Variants in CCDC102A observed in about 807,000 individuals in gnomAD.
CCDC102A encodes coiled-coil domain containing 102A.
CCDC102A carries 40 observed loss-of-function variants against 55.5 expected under a neutral mutation model. That is an observed-to-expected ratio of 0.72 (90% CI 0.56 to 0.94). The LOEUF is 0.94. CCDC102A is among the 40% of genes least tolerant of loss of function. CCDC102A has a pLI of 0.00. For missense variants in CCDC102A, 779 were observed against 768.6 expected (o/e 1.01, Z -0.16); for synonymous variants, 323 against 339.0 (o/e 0.95, Z 0.52).
At chr16:57,512,963 C>A in intron 8 of CCDC102A, 93 bp from the exon 9 acceptor site, 2 of 1,059,714 alleles carry the variant, frequency 1.9e-6, no homozygotes, top group South Asian at 1.4e-5. Context: ...TTAAGCCTTC[C>A]CTGGTGCTTT....
At position 57,528,413 on chromosome 16, in the gene CCDC102A, A is replaced by G. The variant is rs548311398; in HGVS notation, c.585+180T>C. ...GGGATCACAGAACTTGGGATTCTCC[A>G]CCCTGAGGTCTCTGGAAGGAAAATG... On this transcript the variant is annotated intron_variant, in intron 2 of 8. Transcript: ENST00000258214. Among the ~76,000 whole-genome samples, 105 of 152,084 alleles carry G rather than the reference A, an allele frequency of 6.9e-4. 1 individual carries two copies. The highest frequency in any genetic ancestry group is 1.2e-3 in the Admixed American group (19 of 15,274).
At chr16:57,531,282 A>T (rs139236500) in intron 1 of CCDC102A, among the ~76,000 whole-genome samples, 1 of 148,344 alleles carries the variant, frequency 6.7e-6, no homozygotes, top group Non-Finnish European at 1.5e-5. Context: ...GCACTTCCTC[A>T]CTCCTTCCAG....
rs199604828 is a variant in CCDC102A, at chr16:57,518,646, T to C, written c.1017A>G (p.Lys339=). The C allele has an allele frequency of 1.2e-6, 2 of 1,613,724 alleles. No individual in the cohort carries two copies. Among genetic ancestry groups the C allele is most frequent in the East Asian group, 4.5e-5 (2 of 44,878 alleles). ...ELGARSSMDR[K]MAELRGEMER... ...TCACCTCGCCCCTCAGCTCGGCCATTTTCCGGTCCATGCTGGAGCGTGCAC... is the reference window on the plus strand; with the variant it reads ...TCACCTCGCCCCTCAGCTCGGCCATCTTCCGGTCCATGCTGGAGCGTGCAC... Residue 339 remains lysine, a synonymous_variant, in exon 5 of 9, where the codon AAA becomes AAG. Transcript: ENST00000258214.
At position 57,515,326 on chromosome 16, in the gene CCDC102A, C is replaced by T. The variant is rs1313610211; in HGVS notation, c.1523+15G>A. On this transcript the variant is annotated intron_variant, in intron 8 of 8. Coordinates refer to ENST00000258214, the MANE Select transcript of CCDC102A (RefSeq NM_033212.4). ...GAAGTCTCTGCCCTGTTTCTGTTCC[C>T]TGCCCGGGGCCCACCTGGACTGCAG... 6.6e-7 allele frequency: 1 copy of T among 1,518,326 alleles called. No individual in the cohort carries two copies. The highest frequency in any genetic ancestry group is 2.3e-5 in the East Asian group (1 of 43,392). The allele number at this position is 1,518,326 out of a possible 1,614,324, so 94.1% of individuals were successfully genotyped here. A position where few individuals can be genotyped will look rare whatever the true frequency, so the allele number is the denominator to read the frequency against.
At chr16:57,533,571 C>G (rs1214063719) in intron 1 of CCDC102A, among the ~76,000 whole-genome samples, 1 of 151,616 alleles carries the variant, frequency 6.6e-6, no homozygotes, top group Non-Finnish European at 1.5e-5. Context: ...CACTCACACA[C>G]AGCCCCAGTA....
chr16:57,516,398 C>T lies in CCDC102A; in HGVS notation c.1314G>A (p.Glu438=), dbSNP rs1435628520. 1.2e-6 allele frequency: 2 copies of T among 1,609,968 alleles called. No homozygotes were observed. Among genetic ancestry groups the T allele is most frequent in the East Asian group, 2.2e-5 (1 of 44,886 alleles). ...LKKQFQEKVA[E]LAHANRRVEQ... is the part of the protein sequence containing the mutation. ...CCACCCGCCGGTTGGCATGTGCCAG[C>T]TCTGCCACCTTCTCCTGGAACTGCT... is the stretch of plus-strand genomic sequence containing the variant. Residue 438 remains glutamate (E), a synonymous_variant, in exon 7 of 9, where the codon GAG becomes GAA. Coordinates refer to ENST00000258214, the MANE Select transcript of CCDC102A (RefSeq NM_033212.4). The surrounding 1 kb of genome is among the most constrained non-coding windows in gnomAD (Gnocchi z 4.4).
rs1320332474 is a variant in CCDC102A at position 57,512,605 on chromosome 16, C to T, written c.*136G>A. 2 of 1,105,130 alleles carry T rather than the reference C, an allele frequency of 1.8e-6. No individual in the cohort carries two copies. The highest frequency in any genetic ancestry group is 1.6e-5 in the African/African-American group (1 of 63,988). The allele number at this position is 1,105,130 out of a possible 1,614,324, so 68.5% of individuals were successfully genotyped here. The stretch of plus-strand genomic sequence containing the variant: ...GGTAGGTGGGACTGTTGACGCCATC[C>T]CTGGGAGAGAAGAAAGTCGGCTGTG... On this transcript the variant is annotated 3_prime_UTR_variant, in exon 9 of 9. Transcript: ENST00000258214.
At chr16:57,530,002 G>A (rs917527251) in intron 1 of CCDC102A, among the ~76,000 whole-genome samples, 1 of 152,160 alleles carries the variant, frequency 6.6e-6, no homozygotes, top group East Asian at 1.9e-4. Context: ...AAAGAGTGGA[G>A]GTGAAGAAAA....
At chr16:57,525,182 AC>A (rs2032117178) in intron 3 of CCDC102A, among the ~76,000 whole-genome samples, 1 of 151,670 alleles carries the variant, frequency 6.6e-6, no homozygotes, top group Admixed American at 6.6e-5. Flanking sequence ...TGCAACCTCC[AC>A]CTCCCGGCTT....
At chr16:57,534,190 A>G (rs1459607018) in intron 1 of CCDC102A, among the ~76,000 whole-genome samples, 2 of 151,202 alleles carry the variant, frequency 1.3e-5, no homozygotes, top group African/African-American at 2.4e-5. Flanking sequence ...CAGCCCTACA[A>G]CCTCCCACAG....
rs757712416 is a variant in CCDC102A at position 57,518,132 on chromosome 16, T to TGCC, written c.1181_1183dup (p.Arg394dup). On this transcript the variant is annotated inframe_insertion, in exon 6 of 9. Transcript: ENST00000258214. Reference sequence around the variant, plus strand: ...GTCGCAGTCCAGTGCGCTGGCTGTTTGCCGCCGCCGCCGGGCCAGCGCCTC... The same window carrying TGCC: ...GTCGCAGTCCAGTGCGCTGGCTGTTTGCCGCCGCCGCCGCCGGGCCAGCGCCTC... 2.1e-5 allele frequency: 34 copies of TGCC among 1,609,906 alleles called. No homozygotes were observed. Among genetic ancestry groups the TGCC allele is most frequent in the Admixed American group, 6.7e-5 (4 of 59,978 alleles).
rs553647699 is a variant in CCDC102A, at chr16:57,535,980, G to A, written c.-148+520C>T. Among the ~76,000 whole-genome samples the A allele has an allele frequency of 2.1e-4, 32 of 152,280 alleles. No individual in the cohort carries two copies. In the South Asian group the frequency reaches 5.8e-3, roughly 28 times the overall value. On this transcript the variant is annotated intron_variant, in intron 1 of 8. Coordinates refer to ENST00000258214, the MANE Select transcript of CCDC102A (RefSeq NM_033212.4). ...TTAGTCGACCCCTCCCAAGCCGCTG[G>A]CCCTGCGAACCGCCCCGCTCCACCT...
chr16:57,518,772 G>C (rs551860008), intron 4 of CCDC102A, 31 bp from the exon 5 acceptor site: 1 of 1,533,764 alleles, frequency 6.5e-7, no homozygotes, highest in South Asian at 1.2e-5. Context: ...CTGGTCATGA[G>C]AACCACCAGG....
At chr16:57,528,328 T>C (rs2032178051) in intron 2 of CCDC102A, among the ~76,000 whole-genome samples, 1 of 152,196 alleles carries the variant, frequency 6.6e-6, no homozygotes, top group African/African-American at 2.4e-5. Flanking sequence ...GCTGGATCCC[T>C]CTCCTGGCTC....
intron 4 of CCDC102A, among the ~76,000 whole-genome samples, chr16:57,520,384 C>T (rs1291315765): frequency 6.6e-6 from 1 of 152,066 alleles, no homozygotes; most frequent in African/African-American, 2.4e-5. Context: ...CCTTCCCTGA[C>T]CTACCACCCC....
At chr16:57,518,429 G>A (rs2031995201) in intron 5 of CCDC102A, 152 bp from the exon 6 acceptor site, 1 of 840,640 alleles carries the variant, frequency 1.2e-6, no homozygotes, top group Non-Finnish European at 1.9e-6. Context: ...ATTTCATGGT[G>A]TACAGGATGT....
In CCDC102A at chr16:57,533,227, C is replaced by T. The variant is rs77157174; in HGVS notation, c.-148+3273G>A. Among the ~76,000 whole-genome samples the T allele has an allele frequency of 8.6e-3, 1,304 of 152,228 alleles. 19 individuals are homozygous for T. Among genetic ancestry groups the T allele is most frequent in the African/African-American group, 0.03 (1,238 of 41,530 alleles). On this transcript the variant is annotated intron_variant, in intron 1 of 8. Transcript: ENST00000258214. ...CAGCAGGAGCACGGAAGTTTTGGAA[C>T]AGCACTCCCACCTTTGCACTTCAGG...
chr16:57,530,744 A>T (rs1243223791), intron 1 of CCDC102A, among the ~76,000 whole-genome samples: 1 of 151,374 alleles, frequency 6.6e-6, no homozygotes, highest in African/African-American at 2.4e-5. Flanking sequence ...CAGGGGTCTT[A>T]CCCCTGCTGA....
rs746101246 is a variant in CCDC102A at position 57,526,039 on chromosome 16, G to A, written c.674C>T (p.Pro225Leu). 33 of 1,596,726 alleles carry A rather than the reference G, an allele frequency of 2.1e-5. No individual in the cohort carries two copies. The highest frequency in any genetic ancestry group is 1.3e-4 in the East Asian group (6 of 44,462). ...CTCCTGGCGGCCTGAGCTGCCCCGC[G>A]GGCCCCCAGCCCCCAGGCTGCGCGC... ...WEARSLGAGGPRGSSGRQERS... is the reference protein window; with the variant it reads ...WEARSLGAGGLRGSSGRQERS... The change falls in exon 3 of 9, where the codon CCG (proline) becomes CTG (leucine). Residue 225 changes from proline to leucine, a missense_variant. Pro to Leu is a moderately conservative substitution (Grantham distance 98, BLOSUM62 -3). Coordinates refer to ENST00000258214, the MANE Select transcript of CCDC102A (RefSeq NM_033212.4).
Sources: allele counts gnomAD v4.1 joint callset (sites outside exome capture counted in the v4.1 genomes callset), GRCh38; gene constraint gnomAD v4.1.1; non-coding constraint Gnocchi (gnomAD v3.1); transcripts MANE v1.5; gene names NCBI Gene and HGNC (gene_info 2026-07-23, HGNC 2026-07-21).